The following EDRF1 variants were observed in gnomAD, a reference collection of about 807,000 sequenced individuals.
The protein encoded by EDRF1 is erythroid differentiation-related factor 1.
In EDRF1, 69 loss-of-function variants were observed where a neutral mutation model predicts 148.7. The ratio of observed to expected loss-of-function variants is 0.46; its 90% CI spans 0.38 to 0.57. The LOEUF is 0.57. Ranked by LOEUF, EDRF1 falls within the 20% of genes least tolerant of loss-of-function variation. The pLI, the probability that EDRF1 is intolerant of heterozygous loss-of-function variation, is 0.00. For missense variants in EDRF1, 1,118 were observed against 1,478.7 expected (o/e 0.76, Z 4.00); for synonymous variants, 515 against 532.8 (o/e 0.97, Z 0.46).
chr10:125,722,396 G>A (rs1402777245), intron 2 of EDRF1, among the ~76,000 whole-genome samples: 1 of 152,132 alleles, frequency 6.6e-6, no homozygotes, highest in African/African-American at 2.4e-5. Flanking sequence ...TTTGGCTCAA[G>A]CATACAGTAA....
intron 24 of EDRF1, among the ~76,000 whole-genome samples, chr10:125,756,622 C>T (rs1849910816): frequency 6.6e-6 from 1 of 152,194 alleles, no homozygotes; most frequent in Non-Finnish European, 1.5e-5. Context: ...CTGTTAGGTA[C>T]ACACACGTAG....
intron 18 of EDRF1, 63 bp downstream of exon 18, chr10:125,743,339 A>G: frequency 7.1e-7 from 1 of 1,404,814 alleles, no homozygotes; most frequent in Non-Finnish European, 1.0e-6. Context: ...CTAATTTTGT[A>G]TGAGTCAAGC....
In EDRF1 at chr10:125,719,884, C is replaced by T. The variant is rs751336062; in HGVS notation, c.77C>T (p.Ser26Phe). 1 of 1,613,272 alleles carries T rather than the reference C, an allele frequency of 6.2e-7. No individual in the cohort carries two copies. The stretch of plus-strand genomic sequence containing the variant: ...GCTCGAGGAGGGCTCAGCCTCCTGT[C>T]CCAGGGAGAATCCGAGGAATCTTCT... Reference protein sequence around the residue: ...AAARGGLSLLSQGESEESSAQ... With the variant: ...AAARGGLSLLFQGESEESSAQ... The change falls in exon 1 of 25, where the codon TCC becomes TTC. Residue 26 changes from serine to phenylalanine, a missense_variant. Physicochemically the swap from Ser to Phe is radical, Grantham distance 155. Around this residue, in one of 3 missense-constraint regions of EDRF1, gnomAD observed 65 missense variants for 50.3 expected, o/e 1.29. Transcript: ENST00000356792.
chr10:125,756,718 G>A (rs1335642795), intron 24 of EDRF1: 1 of 354,380 alleles, frequency 2.8e-6, no homozygotes, highest in Non-Finnish European at 5.4e-6. Context: ...CGTTCTTTTG[G>A]TTAATGTCTT....
At chr10:125,734,389 A>G (rs1848629781) in intron 12 of EDRF1, among the ~76,000 whole-genome samples, 1 of 152,120 alleles carries the variant, frequency 6.6e-6, no homozygotes, top group African/African-American at 2.4e-5. Context: ...CTGAATTTTG[A>G]AGATTGGATG....
intron 3 of EDRF1, among the ~76,000 whole-genome samples, chr10:125,723,370 A>G (rs1031678890): frequency 3.3e-5 from 5 of 152,178 alleles, no homozygotes; most frequent in Admixed American, 2.6e-4. Flanking sequence ...TGGTAATAAT[A>G]TATTGATGGT....
chr10:125,733,462 C>T lies in EDRF1; in HGVS notation c.1187C>T (p.Thr396Ile). ...AATTTGGAAAATTCTAATTTTTCTACTAAAGTCATAAAAGACATTGCACAG... is the reference window on the plus strand; with the variant it reads ...AATTTGGAAAATTCTAATTTTTCTATTAAAGTCATAAAAGACATTGCACAG... ...IPNLENSNFS[T>I]KVIKDIAQNI... is the part of the protein sequence containing the mutation. Residue 396 changes from threonine to isoleucine, a missense_variant, in exon 10 of 25, where the codon ACT becomes ATT. This residue lies in a region of EDRF1 where 954 missense variants were observed against 1,241.4 expected (regional missense o/e 0.77). Coordinates refer to ENST00000356792, the MANE Select transcript of EDRF1 (RefSeq NM_001202438.2). 1 of 1,592,654 alleles carries T rather than the reference C, an allele frequency of 6.3e-7. No homozygotes were observed. Among genetic ancestry groups the T allele is most frequent in the Non-Finnish European group, 8.6e-7 (1 of 1,161,860 alleles).
chr10:125,763,437 G>A lies in EDRF1; in HGVS notation c.3682G>A (p.Ala1228Thr), dbSNP rs202125749. Residue 1228 changes from alanine (A) to threonine (T), a missense_variant, in exon 25 of 25, where the codon GCC becomes ACC. Transcript: ENST00000356792. This position sits in a 1 kb window ranked among gnomAD's most constrained non-coding sequence, Gnocchi z 4.3. ...CGTCCACCTGCTGGGCCAGCTTGCC[G>A]CCGGCAGTGCAGCGAGCAGCAATGC... ...VIVHLLGQLA[A>T]GSAASSNAVQ 1.9e-5 allele frequency: 30 copies of A among 1,609,882 alleles called. No homozygotes were observed. Among genetic ancestry groups the A allele is most frequent in the Admixed American group, 5.0e-5 (3 of 60,018 alleles).
chr10:125,751,646 G>A (rs1370379585), intron 22 of EDRF1, among the ~76,000 whole-genome samples: 2 of 152,208 alleles, frequency 1.3e-5, no homozygotes, highest in Non-Finnish European at 2.9e-5. Context: ...CACCCGCAGA[G>A]TCGGGGAGTC....
chr10:125,731,234 A>G (rs1848469843), intron 9 of EDRF1, among the ~76,000 whole-genome samples: 1 of 152,224 alleles, frequency 6.6e-6, no homozygotes, highest in Non-Finnish European at 1.5e-5. Flanking sequence ...AGAAAGAGAT[A>G]ATCTAATGGG....
chr10:125,754,979 G>A (rs1849829290), intron 24 of EDRF1, among the ~76,000 whole-genome samples: 1 of 152,146 alleles, frequency 6.6e-6, no homozygotes, highest in Non-Finnish European at 1.5e-5. Flanking sequence ...ATAGATGTGT[G>A]CCTGCCACCA....
intron 18 of EDRF1, chr10:125,744,969 C>A (rs951148035): frequency 6.6e-6 from 1 of 152,638 alleles, no homozygotes; most frequent in Non-Finnish European, 1.5e-5. Flanking sequence ...CATCGTTACT[C>A]TTGTGCTTTG....
At chr10:125,735,018 C>T (rs1048439206) in intron 12 of EDRF1, among the ~76,000 whole-genome samples, 2 of 152,100 alleles carry the variant, frequency 1.3e-5, no homozygotes, top group Non-Finnish European at 2.9e-5. Flanking sequence ...TACCTAATTG[C>T]TGACTGAGGT....
chr10:125,719,771 C>G lies in EDRF1; in HGVS notation c.-37C>G. ...GCCTGCGTTGCTGCTGCTGCTCCTC[C>G]GCTCCCCCGTCGTATCGCCTGCCCT... On this transcript the variant is annotated 5_prime_UTR_variant, in exon 1 of 25. Transcript: ENST00000356792. 1.9e-6 allele frequency: 3 copies of G among 1,557,832 alleles called. No individual in the cohort carries two copies. The highest frequency in any genetic ancestry group is 1.7e-4 in the Middle Eastern group (1 of 5,856).
intron 6 of EDRF1, among the ~76,000 whole-genome samples, chr10:125,726,543 A>C (rs980856636): frequency 1.3e-5 from 2 of 152,222 alleles, no homozygotes; most frequent in African/African-American, 4.8e-5. Flanking sequence ...ATAGATTGAT[A>C]AATAGATAAT....
At chr10:125,723,570 CAT>C (rs1848106832) in intron 3 of EDRF1, among the ~76,000 whole-genome samples, 1 of 152,140 alleles carries the variant, frequency 6.6e-6, no homozygotes, top group African/African-American at 2.4e-5. Flanking sequence ...GAAATCCTAT[CAT>C]GTAAAAATAA....
intron 16 of EDRF1, 93 bp from the exon 17 acceptor site, chr10:125,740,908 G>T (rs186190934): frequency 8.2e-6 from 11 of 1,334,942 alleles, no homozygotes; most frequent in Middle Eastern, 1.8e-4. Flanking sequence ...GCTACAAAGC[G>T]TTCAGCTGGT....
intron 8 of EDRF1, among the ~76,000 whole-genome samples, chr10:125,729,935 T>C (rs564973807): frequency 6.6e-5 from 10 of 152,382 alleles, no homozygotes; most frequent in East Asian, 1.9e-4. Flanking sequence ...TTTGTTGATA[T>C]TAGCCAATGT....
intron 13 of EDRF1, among the ~76,000 whole-genome samples, chr10:125,736,664 C>T (rs1316187343): frequency 6.6e-6 from 1 of 152,044 alleles, no homozygotes; most frequent in Non-Finnish European, 1.5e-5. Flanking sequence ...TCTTTCTGAC[C>T]TTCACTTGCT....
Sources: gnomAD v4.1 joint callset for allele counts (sites outside exome capture counted in the v4.1 genomes callset) on GRCh38, gnomAD v4.1.1 for gene constraint, gnomAD v4.1.1 regional missense constraint, Gnocchi (gnomAD v3.1) non-coding constraint, MANE v1.5 for transcripts, NCBI Gene and HGNC (gene_info 2026-07-23, HGNC 2026-07-21) for gene names.